NPTN: variants seen among roughly 807,000 people sequenced by gnomAD.
NPTN encodes SDR-1.
In NPTN, 5 loss-of-function variants were observed where a neutral mutation model predicts 42.7. The ratio of observed to expected loss-of-function variants is 0.12; its 90% CI spans 0.06 to 0.25. The LOEUF (loss-of-function observed/expected upper bound fraction) is 0.25, where lower values mean the gene tolerates loss of function less well. Among genes scored for constraint, NPTN ranks in the 10% least tolerant of loss-of-function variants. The pLI, the probability that NPTN is intolerant of heterozygous loss-of-function variation, is 1.00. For synonymous variants in NPTN, 180 were observed against 201.9 expected, an observed-to-expected ratio of 0.89 and a Z score of 0.92; for missense variants, 307 against 525.4, an observed-to-expected ratio of 0.58 and a Z score of 4.06.
At chr15:73,584,723 A>G (rs925576718) in intron 4 of NPTN, among the ~76,000 whole-genome samples, 4 of 150,978 alleles carry the variant, frequency 2.6e-5, no homozygotes, top group African/African-American at 7.3e-5. Flanking sequence ...CGTAACCCTC[A>G]ACAGTATCTT....
intron 6 of NPTN, among the ~76,000 whole-genome samples, chr15:73,566,220 C>A (rs895164848): frequency 1.3e-5 from 2 of 152,186 alleles, no homozygotes; most frequent in Non-Finnish European, 2.9e-5. Context: ...AGTCACATTT[C>A]TTTTCCAATA....
chr15:73,573,721 A>C lies in NPTN; in HGVS notation c.781T>G (p.Ser261Ala). 1.9e-6 allele frequency: 3 copies of C among 1,595,372 alleles called. No homozygotes were observed. Among genetic ancestry groups the C allele is most frequent in the Non-Finnish European group, 2.6e-6 (3 of 1,172,122 alleles). ...CAGTCTGGGTGGGGGTAGCCAACTG[A>C]CTTGCAATACATAGTGGCATCCTGC... Reference protein sequence around the residue: ...EGQDATMYCKSVGYPHPDWIW... With the variant: ...EGQDATMYCKAVGYPHPDWIW... Residue 261 changes from serine to alanine, a missense_variant, in exon 5 of 9, where the codon TCA (serine) becomes GCA (alanine). By Grantham distance (99) the Ser-to-Ala change is moderately conservative. Transcript: ENST00000345330.
At chr15:73,623,811 A>T (rs78383563) in intron 1 of NPTN, among the ~76,000 whole-genome samples, 16,493 of 152,212 alleles carry the variant, frequency 0.11, 1,159 homozygotes, top group African/African-American at 0.2. Flanking sequence ...GAAAGAGATC[A>T]TTTCTGTTTT....
At chr15:73,610,566 A>G (rs553882057) in intron 1 of NPTN, among the ~76,000 whole-genome samples, 6 of 152,332 alleles carry the variant, frequency 3.9e-5, no homozygotes, top group East Asian at 3.9e-4. Flanking sequence ...AAAAAGGAAA[A>G]CAAGCGGAAT....
intron 1 of NPTN, among the ~76,000 whole-genome samples, chr15:73,602,284 G>T (rs867492188): frequency 5.3e-5 from 8 of 152,124 alleles, no homozygotes; most frequent in African/African-American, 1.9e-4. Context: ...TTTAAAAACA[G>T]CTGTTCCCTT....
intron 6 of NPTN, chr15:73,568,826 C>T (rs1328031969): frequency 2.0e-6 from 2 of 985,404 alleles, no homozygotes; most frequent in Non-Finnish European, 2.4e-6. Flanking sequence ...AACCTCCTCA[C>T]CAGCCACTCA....
chr15:73,621,193 G>A (rs1157293600), intron 1 of NPTN, among the ~76,000 whole-genome samples: 1 of 152,130 alleles, frequency 6.6e-6, no homozygotes, highest in East Asian at 1.9e-4. Flanking sequence ...TTAACTTGAA[G>A]TGAGAGCAGT....
chr15:73,565,989 C>T (rs759179430), intron 6 of NPTN, among the ~76,000 whole-genome samples: 1 of 152,210 alleles, frequency 6.6e-6, no homozygotes, highest in Non-Finnish European at 1.5e-5. Flanking sequence ...TCCTTTGTCA[C>T]TGCATTCATC....
chr15:73,573,188 A>G (rs1331172131), intron 5 of NPTN, among the ~76,000 whole-genome samples: 1 of 152,196 alleles, frequency 6.6e-6, no homozygotes, highest in Non-Finnish European at 1.5e-5. Flanking sequence ...TAACTATATT[A>G]CCTGTCAATG....
intron 4 of NPTN, among the ~76,000 whole-genome samples, chr15:73,575,087 G>C (rs1027458307): frequency 2.0e-5 from 3 of 152,196 alleles, no homozygotes. Context: ...GGTTTCAAGC[G>C]ATTCTCCTGC....
intron 3 of NPTN, among the ~76,000 whole-genome samples, chr15:73,591,086 G>A (rs1015116932): frequency 2.0e-5 from 3 of 152,162 alleles, no homozygotes; most frequent in Non-Finnish European, 4.4e-5. Flanking sequence ...AAGCAGCCAA[G>A]AGTCACTCTT....
At chr15:73,606,642 C>T (rs1012730799) in intron 1 of NPTN, among the ~76,000 whole-genome samples, 1 of 152,032 alleles carries the variant, frequency 6.6e-6, no homozygotes, top group African/African-American at 2.4e-5. Flanking sequence ...AGAACTACAT[C>T]CAAAATGGAG....
At chr15:73,580,482 AATAT>A (rs550269780) in intron 4 of NPTN, among the ~76,000 whole-genome samples, 1 of 130,416 alleles carries the variant, frequency 7.7e-6, no homozygotes, top group Non-Finnish European at 1.5e-5. Flanking sequence ...TATATACATA[AATAT>A]ATATATACAT....
At chr15:73,567,628 C>T in intron 6 of NPTN, 1 of 985,380 alleles carries the variant, frequency 1.0e-6, no homozygotes, top group African/African-American at 1.7e-5. Flanking sequence ...TCAACTTTTT[C>T]TTTTGTTTAA....
chr15:73,594,951 TAAA>T (rs770131038), intron 2 of NPTN, among the ~76,000 whole-genome samples: 4 of 128,872 alleles, frequency 3.1e-5, no homozygotes, highest in African/African-American at 2.8e-5. Context: ...CAGGGTGTTT[TAAA>T]AAAAAAAAAA....
intron 1 of NPTN, among the ~76,000 whole-genome samples, chr15:73,601,746 A>T (rs750210535): frequency 6.6e-6 from 1 of 152,168 alleles, no homozygotes; most frequent in Non-Finnish European, 1.5e-5. Flanking sequence ...GATCTGCAAG[A>T]GTTTTGGGAA....
intron 6 of NPTN, among the ~76,000 whole-genome samples, chr15:73,565,145 A>G (rs1224133682): frequency 6.6e-6 from 1 of 152,224 alleles, no homozygotes; most frequent in Non-Finnish European, 1.5e-5. Flanking sequence ...CCATGCCTGC[A>G]AGTGGGAGCA....
chr15:73,626,547 G>A (rs1898422805), intron 1 of NPTN, among the ~76,000 whole-genome samples: 1 of 152,120 alleles, frequency 6.6e-6, no homozygotes, highest in African/African-American at 2.4e-5. Context: ...CTAGTCCAAT[G>A]GTTTCCAAAT....
At chr15:73,561,483 C>T (rs1318389943) in intron 8 of NPTN, among the ~76,000 whole-genome samples, 1 of 152,138 alleles carries the variant, frequency 6.6e-6, no homozygotes, top group Non-Finnish European at 1.5e-5. Context: ...AGTTCAAGAC[C>T]ACCCTGGCCA....
Sources: allele counts gnomAD v4.1 joint callset (sites outside exome capture counted in the v4.1 genomes callset), GRCh38; gene constraint gnomAD v4.1.1; transcripts MANE v1.5; gene names NCBI Gene and HGNC (gene_info 2026-07-23, HGNC 2026-07-21).